MAGI2: variants seen among roughly 807,000 people sequenced by gnomAD.
The protein encoded by MAGI2 is membrane associated guanylate kinase, WW and PDZ domain containing 2, also known as membrane-associated guanylate kinase, WW and PDZ domain-containing protein 2.
A neutral mutation model predicts 133.3 loss-of-function variants in MAGI2; 35 were observed. That is an observed-to-expected ratio of 0.26 (90% CI 0.20 to 0.35). MAGI2 has a LOEUF of 0.35. Among genes scored for constraint, MAGI2 ranks in the 10% least tolerant of loss-of-function variants. The pLI is 1.00. For synonymous variants in MAGI2, 729 were observed against 710.6 expected, an observed-to-expected ratio of 1.03 and a Z score of -0.41; for missense variants, 1,636 against 1,863.4, an observed-to-expected ratio of 0.88 and a Z score of 2.25.
intron 6 of MAGI2, among the ~76,000 whole-genome samples, chr7:78,378,063 C>G (rs1303314445): frequency 6.6e-6 from 1 of 151,834 alleles, no homozygotes; most frequent in Admixed American, 6.6e-5. Flanking sequence ...AAAGAACAGA[C>G]AGATAGTAAA....
chr7:79,180,281 T>C (rs751472890), intron 1 of MAGI2, among the ~76,000 whole-genome samples: 1 of 151,956 alleles, frequency 6.6e-6, no homozygotes, highest in African/African-American at 2.4e-5. Context: ...AGAGTATTAG[T>C]CTGTTTTCAT....
chr7:78,910,263 C>CTTTTTTTTTTTT (rs71085572), intron 2 of MAGI2, among the ~76,000 whole-genome samples: 1 of 128,046 alleles, frequency 7.8e-6, no homozygotes. Context: ...TAAAGTAATT[C>CTTTTTTTTTTTT]TTTTTTTTTT....
At chr7:78,713,116 T>C (rs1368378184) in intron 2 of MAGI2, among the ~76,000 whole-genome samples, 1 of 152,180 alleles carries the variant, frequency 6.6e-6, no homozygotes, top group African/African-American at 2.4e-5. Flanking sequence ...TTTGAAAGCC[T>C]GTGATTTTCT....
chr7:78,448,845 A>T (rs993151066), intron 6 of MAGI2, among the ~76,000 whole-genome samples: 3 of 152,078 alleles, frequency 2.0e-5, no homozygotes, highest in African/African-American at 7.2e-5. Context: ...ACTCAACATG[A>T]AGAGGTTAGG....
intron 2 of MAGI2, among the ~76,000 whole-genome samples, chr7:78,843,009 C>T (rs961486715): frequency 1.3e-5 from 2 of 151,844 alleles, no homozygotes; most frequent in Non-Finnish European, 1.5e-5. Flanking sequence ...TTTAAGTCAT[C>T]TAAGTTAATG....
At chr7:78,359,231 C>T (rs772022903) in intron 7 of MAGI2, 1 of 152,158 alleles carries the variant, frequency 6.6e-6, no homozygotes, top group Admixed American at 6.5e-5. Flanking sequence ...GGAGCCCCGC[C>T]TCGTGAAAGG....
chr7:78,945,007 G>A (rs953206407), intron 2 of MAGI2, among the ~76,000 whole-genome samples: 1 of 151,860 alleles, frequency 6.6e-6, no homozygotes. Context: ...CCAAAGTGCT[G>A]GATTTACAGG....
chr7:79,333,762 TAA>T (rs1262766734), intron 1 of MAGI2, among the ~76,000 whole-genome samples: 1 of 151,966 alleles, frequency 6.6e-6, no homozygotes, highest in African/African-American at 2.4e-5. Flanking sequence ...GATACAAAAA[TAA>T]AAAAGACAAT....
chr7:78,943,380 A>G (rs188776635), intron 2 of MAGI2, among the ~76,000 whole-genome samples: 95 of 152,290 alleles, frequency 6.2e-4, no homozygotes, highest in African/African-American at 2.0e-3. Flanking sequence ...GTCAAAGCAG[A>G]TCATGAAGAA....
At chr7:79,074,185 T>G (rs1301683838) in intron 1 of MAGI2, among the ~76,000 whole-genome samples, 1 of 152,220 alleles carries the variant, frequency 6.6e-6, no homozygotes, top group Non-Finnish European at 1.5e-5. Context: ...AACAGCTTTT[T>G]GTTGAAATAA....
intron 2 of MAGI2, among the ~76,000 whole-genome samples, chr7:78,976,241 G>C (rs947780352): frequency 8.6e-5 from 13 of 151,548 alleles, no homozygotes; most frequent in Non-Finnish European, 1.5e-4. Context: ...AGACTGGTAA[G>C]ATTTGTTTCA....
intron 1 of MAGI2, among the ~76,000 whole-genome samples, chr7:79,169,286 A>G (rs879708163): frequency 1.3e-5 from 2 of 152,068 alleles, no homozygotes. Context: ...TGGAATGTGC[A>G]TTTTAATAGA....
chr7:79,303,379 T>C (rs1176996519), intron 1 of MAGI2, among the ~76,000 whole-genome samples: 1 of 152,210 alleles, frequency 6.6e-6, no homozygotes, highest in Non-Finnish European at 1.5e-5. Flanking sequence ...TTTAAACACT[T>C]TAGTACCTTG....
intron 20 of MAGI2, among the ~76,000 whole-genome samples, chr7:78,109,303 C>CAAAAA (rs71085511): frequency 0.037 from 735 of 20,030 alleles, 35 homozygotes; most frequent in Admixed American, 0.051. Flanking sequence ...GACTCCGTCT[C>CAAAAA]AAAAAAAAAA....
intron 9 of MAGI2, among the ~76,000 whole-genome samples, chr7:78,315,263 A>C (rs557870659): frequency 4.5e-4 from 68 of 152,302 alleles, no homozygotes; most frequent in Non-Finnish European, 8.4e-4. Flanking sequence ...GAGAGACATC[A>C]CTTGGGCTCA....
At chr7:78,594,809 G>A (rs1584776532) in intron 3 of MAGI2, among the ~76,000 whole-genome samples, 1 of 152,082 alleles carries the variant, frequency 6.6e-6, no homozygotes. Flanking sequence ...TTTACTGGGG[G>A]CTAAAGGAGC....
At chr7:78,326,128 C>A (rs1160826239) in intron 9 of MAGI2, among the ~76,000 whole-genome samples, 1 of 152,148 alleles carries the variant, frequency 6.6e-6, no homozygotes, top group Non-Finnish European at 1.5e-5. Flanking sequence ...TAGAGACTCC[C>A]AAGGACCACA....
In MAGI2 at chr7:78,776,840, A is replaced by G. The variant is rs142984774; in HGVS notation, c.419-149601T>C. Among the ~76,000 whole-genome samples the G allele has an allele frequency of 7.5e-3, 1,141 of 152,334 alleles. 4 individuals carry two copies. The highest frequency in any genetic ancestry group is 0.026 in the African/African-American group (1,082 of 41,566). On this transcript the variant is annotated intron_variant, in intron 2 of 21. Transcript: ENST00000354212. ...AAAATTATCTTCTTTTTTCAATGAA[A>G]TAAGTTGTTGATCCTAACAGGTAAA...
intron 2 of MAGI2, among the ~76,000 whole-genome samples, chr7:78,800,346 A>G (rs1463956285): frequency 2.0e-5 from 3 of 152,140 alleles, no homozygotes; most frequent in Non-Finnish European, 4.4e-5. Flanking sequence ...CCACATAGTC[A>G]TTCAGGGATC....
Sources: gnomAD v4.1 joint callset for allele counts (sites outside exome capture counted in the v4.1 genomes callset) on GRCh38, gnomAD v4.1.1 for gene constraint, MANE v1.5 for transcripts, NCBI Gene and HGNC (gene_info 2026-07-23, HGNC 2026-07-21) for gene names.